Variants in CNNM4 observed in about 807,000 individuals in gnomAD.
CNNM4 encodes metal transporter CNNM4.
A neutral mutation model predicts 53.7 loss-of-function variants in CNNM4; 32 were observed. That is an observed-to-expected ratio of 0.60 (90% confidence interval 0.45 to 0.80). CNNM4 has a LOEUF of 0.80. CNNM4 is among the 30% of genes least tolerant of loss of function. CNNM4 has a pLI of 0.00. For missense variants in CNNM4, 784 were observed against 1,022.0 expected (o/e 0.77, Z 3.17); for synonymous variants, 410 against 440.0 (o/e 0.93, Z 0.85).
chr2:96,764,848 G>A (rs1416543728), intron 1 of CNNM4, among the ~76,000 whole-genome samples: 12 of 151,976 alleles, frequency 7.9e-5, no homozygotes, highest in South Asian at 2.1e-4. Context: ...TTATCCAGCC[G>A]TGGTGGCACA....
chr2:96,772,219 C>T (rs1395504153), intron 1 of CNNM4, among the ~76,000 whole-genome samples: 2 of 151,300 alleles, frequency 1.3e-5, no homozygotes, highest in African/African-American at 2.4e-5. Context: ...CTCACACACA[C>T]ACTCATACCC....
At chr2:96,766,574 T>C (rs1369514055) in intron 1 of CNNM4, among the ~76,000 whole-genome samples, 1 of 152,184 alleles carries the variant, frequency 6.6e-6, no homozygotes, top group African/African-American at 2.4e-5. Context: ...TCCCCTGCCC[T>C]GTGCCGATTT....
chr2:96,764,316 A>G (rs768371457), intron 1 of CNNM4, among the ~76,000 whole-genome samples: 5 of 152,162 alleles, frequency 3.3e-5, no homozygotes, highest in Non-Finnish European at 7.3e-5. Context: ...AGGCCGTAGC[A>G]GAGCTCTGCT....
Position 96,801,615 on chromosome 2 carries a change from A to G in CNNM4, c.1948+1967A>G, listed in dbSNP as rs2079159255. Among the ~76,000 whole-genome samples, 1 of 149,028 alleles carries G rather than the reference A, an allele frequency of 6.7e-6. No homozygotes were observed. The highest frequency in any genetic ancestry group is 2.5e-5 in the African/African-American group (1 of 39,554). On this transcript the variant is annotated intron_variant, in intron 5 of 6. Transcript: ENST00000377075. This position sits in a 1 kb window ranked among gnomAD's most constrained non-coding sequence, Gnocchi z 5.6. ...GAGACCACACACACAGAGACCACACACAGAGACCACACGCAGAGAGACCAC... is the reference window on the plus strand; with the variant it reads ...GAGACCACACACACAGAGACCACACGCAGAGACCACACGCAGAGAGACCAC...
At chr2:96,770,193 G>A (rs554767711) in intron 1 of CNNM4, among the ~76,000 whole-genome samples, 112 of 152,378 alleles carry the variant, frequency 7.4e-4, no homozygotes, top group South Asian at 1.4e-3. Context: ...GGAAGGCAAT[G>A]CTGTGCATCG....
intron 1 of CNNM4, among the ~76,000 whole-genome samples, chr2:96,780,895 C>T (rs1364871822): frequency 6.7e-6 from 1 of 148,330 alleles, no homozygotes; most frequent in Admixed American, 6.7e-5. Flanking sequence ...CGTACCACCA[C>T]ACCCAGCTAA....
At position 96,801,213 on chromosome 2, in the gene CNNM4, T is replaced by TG; in HGVS notation, c.1948+1567dup. 1 of 785,318 alleles carries TG rather than the reference T, an allele frequency of 1.3e-6. No homozygotes were observed. Among genetic ancestry groups the TG allele is most frequent in the Non-Finnish European group, 1.5e-6 (1 of 647,122 alleles). The allele number at this position is 785,318 out of a possible 1,614,324, so 48.6% of individuals were successfully genotyped here. On this transcript the variant is annotated intron_variant, in intron 5 of 6. Coordinates refer to ENST00000377075, the MANE Select transcript of CNNM4 (RefSeq NM_020184.4). The surrounding 1 kb of genome is among the most constrained non-coding windows in gnomAD (Gnocchi z 5.6). ...CTGCAGCTGCATTAACCTCCCCACA[T>TG]GGACCCGGACCCCCGCCTGCTCAAT...
chr2:96,767,178 C>T (rs1386239240), intron 1 of CNNM4, among the ~76,000 whole-genome samples: 5 of 152,164 alleles, frequency 3.3e-5, no homozygotes, highest in African/African-American at 9.7e-5. Flanking sequence ...TACAGCCTTG[C>T]AGCACTTCTG....
chr2:96,771,713 C>CA (rs112504695), intron 1 of CNNM4, among the ~76,000 whole-genome samples: 14,099 of 120,996 alleles, frequency 0.12, 719 homozygotes, highest in Middle Eastern at 0.27. Context: ...CACTCCATCT[C>CA]AAAAAAAAAA....
chr2:96,761,541 C>G lies in CNNM4; in HGVS notation c.542C>G (p.Pro181Arg). ...GTGGAGGAGCCTGGGAGGTTCCTGCCTCTCTGGCTGCACATTCTCCTAATT... is the reference window on the plus strand; with the variant it reads ...GTGGAGGAGCCTGGGAGGTTCCTGCGTCTCTGGCTGCACATTCTCCTAATT... Reference protein sequence around the residue: ...FMVEEPGRFLPLWLHILLITV... With the variant: ...FMVEEPGRFLRLWLHILLITV... Residue 181 changes from proline to arginine, a missense_variant, in exon 1 of 7, where the codon CCT (proline) becomes CGT (arginine). Transcript: ENST00000377075. The surrounding 1 kb of genome is among the most constrained non-coding windows in gnomAD (Gnocchi z 6.0). 3.1e-6 allele frequency: 5 copies of G among 1,614,094 alleles called. No individual in the cohort carries two copies. The highest frequency in any genetic ancestry group is 4.2e-6 in the Non-Finnish European group (5 of 1,179,958).
intron 1 of CNNM4, among the ~76,000 whole-genome samples, chr2:96,771,363 T>C (rs1302357808): frequency 6.6e-6 from 1 of 152,010 alleles, no homozygotes; most frequent in Non-Finnish European, 1.5e-5. Flanking sequence ...ATACATCTCA[T>C]TGCTGGAACT....
chr2:96,802,036 CACACACACAG>C (rs1206273942), intron 5 of CNNM4, among the ~76,000 whole-genome samples: 1 of 151,060 alleles, frequency 6.6e-6, no homozygotes, highest in African/African-American at 2.4e-5. Context: ...CACCCATAGG[CACACACACAG>C]ACACACACAG....
intron 1 of CNNM4, among the ~76,000 whole-genome samples, chr2:96,772,203 C>A (rs576494032): frequency 2.6e-5 from 4 of 151,664 alleles, no homozygotes; most frequent in African/African-American, 9.7e-5. Context: ...CTTACTCCCA[C>A]CTATGCTCAC....
intron 5 of CNNM4, among the ~76,000 whole-genome samples, chr2:96,805,418 G>GTTTTTTTTTTT (rs898761608): frequency 7.6e-3 from 568 of 74,996 alleles, no homozygotes; most frequent in Non-Finnish European, 0.011. Flanking sequence ...CTTCTTTTCA[G>GTTTTTTTTTTT]TTTTTTTTTT....
At chr2:96,787,911 G>A (rs1574070383) in intron 1 of CNNM4, among the ~76,000 whole-genome samples, 2 of 152,066 alleles carry the variant, frequency 1.3e-5, no homozygotes. Flanking sequence ...CTCCAGTACC[G>A]CACTGTTTTT....
At chr2:96,771,268 G>A (rs2078866481) in intron 1 of CNNM4, among the ~76,000 whole-genome samples, 1 of 148,864 alleles carries the variant, frequency 6.7e-6, no homozygotes, top group Admixed American at 6.6e-5. Flanking sequence ...TTACTTCTGT[G>A]CTTATTCCAC....
chr2:96,788,218 C>A (rs1277892675), intron 1 of CNNM4, among the ~76,000 whole-genome samples: 2 of 151,982 alleles, frequency 1.3e-5, no homozygotes, highest in Non-Finnish European at 2.9e-5. Flanking sequence ...CCACAGTGCC[C>A]TGCCCAGTAC....
At chr2:96,791,270 T>C (rs2079060206) in intron 1 of CNNM4, among the ~76,000 whole-genome samples, 1 of 151,978 alleles carries the variant, frequency 6.6e-6, no homozygotes, top group African/African-American at 2.4e-5. Flanking sequence ...GCCCAGCCCG[T>C]AAAATTGTAT....
At position 96,761,211 on chromosome 2, in the gene CNNM4, G is replaced by A. The variant is rs781726528; in HGVS notation, c.212G>A (p.Gly71Asp). The change falls in exon 1 of 7, where the codon GGC (glycine) becomes GAC (aspartate). Residue 71 changes from glycine (G) to aspartate (D), a missense_variant. By Grantham distance (94) the Gly-to-Asp change is moderately conservative. Transcript: ENST00000377075. The surrounding 1 kb of genome is among the most constrained non-coding windows in gnomAD (Gnocchi z 6.0). ...GATGGCATCATCTTCGTGTCCGAGG[G>A]CAGCACCGTGAACCTGAGGCTGTAC... is the stretch of plus-strand genomic sequence containing the variant. ...NPDGIIFVSE[G>D]STVNLRLYGY... 1.1e-5 allele frequency: 17 copies of A among 1,613,978 alleles called. No individual in the cohort carries two copies. The highest frequency in any genetic ancestry group is 1.4e-5 in the Non-Finnish European group (17 of 1,179,996).
Sources: allele counts gnomAD v4.1 joint callset (sites outside exome capture counted in the v4.1 genomes callset), GRCh38; gene constraint gnomAD v4.1.1; non-coding constraint Gnocchi (gnomAD v3.1); transcripts MANE v1.5; gene names NCBI Gene and HGNC (gene_info 2026-07-23, HGNC 2026-07-21).